Variants in NHSL1 observed in about 807,000 individuals in gnomAD.
NHSL1 encodes NHS-like protein 1.
Under a neutral mutation model 95.0 loss-of-function variants are expected in NHSL1, and 48 were observed. The observed-to-expected ratio is 0.51, with a 90% CI of 0.40 to 0.64. NHSL1 has a LOEUF of 0.64. NHSL1 is among the 30% of genes least tolerant of loss of function. NHSL1 has a pLI of 0.00. For missense variants in NHSL1, 1,971 were observed against 2,077.7 expected, an observed-to-expected ratio of 0.95 and a Z score of 1.00; for synonymous variants, 783 against 833.9, an observed-to-expected ratio of 0.94 and a Z score of 1.05.
intron 1 of NHSL1, among the ~76,000 whole-genome samples, chr6:138,610,636 G>A (rs1042266330): frequency 2.6e-5 from 4 of 151,564 alleles, no homozygotes; most frequent in Non-Finnish European, 5.9e-5. Context: ...ATTTTCCTTT[G>A]TGTTAGTTTC....
intron 1 of NHSL1, among the ~76,000 whole-genome samples, chr6:138,555,888 C>T (rs1261970468): frequency 1.3e-5 from 2 of 152,086 alleles, no homozygotes; most frequent in Non-Finnish European, 2.9e-5. Flanking sequence ...AAGGACATAG[C>T]CTCACTGGGC....
rs931986352 is a variant in NHSL1 at position 138,692,430 on chromosome 6, G to A, written c.96+46C>T. The A allele has an allele frequency of 1.3e-5, 3 of 222,780 alleles. No individual in the cohort carries two copies. The highest frequency in any genetic ancestry group is 1.1e-4 in the South Asian group (2 of 17,896). 13.8% of individuals were successfully genotyped at this position (222,780 alleles called of 1,614,324 possible). On this transcript the variant is annotated intron_variant, in intron 1 of 3. Coordinates refer to the NHSL1 transcript ENST00000491526. The surrounding 1 kb of genome is among the most constrained non-coding windows in gnomAD (Gnocchi z 4.0). ...GGGGCGGGCGGGAGCAGCTCTCCGG[G>A]TGCCTCCCCCGCCGGTTCCCCTCCC...
chr6:138,587,708 T>C (rs1393577542), intron 1 of NHSL1, among the ~76,000 whole-genome samples: 1 of 152,202 alleles, frequency 6.6e-6, no homozygotes, highest in Non-Finnish European at 1.5e-5. Flanking sequence ...TCTAATATTT[T>C]AAAATGTTTA....
chr6:138,658,042 C>T (rs1785180137), intron 1 of NHSL1, among the ~76,000 whole-genome samples: 1 of 152,040 alleles, frequency 6.6e-6, no homozygotes, highest in African/African-American at 2.4e-5. Flanking sequence ...TTGCTATCTA[C>T]AGCCATCTCC....
chr6:138,684,442 T>C (rs1212814334), intron 1 of NHSL1, among the ~76,000 whole-genome samples: 1 of 151,876 alleles, frequency 6.6e-6, no homozygotes, highest in Non-Finnish European at 1.5e-5. Context: ...GGTCAGGAGT[T>C]CAAGACCAGC....
At position 138,628,034 on chromosome 6, in the gene NHSL1, CG is replaced by C. The variant is rs1784766042; in HGVS notation, c.96+64441del. On this transcript the variant is annotated intron_variant, in intron 1 of 3. Transcript: ENST00000491526. Reference sequence around the variant, plus strand: ...CATATACGTAAAACGTATATCCAGCCGGGCGAGGTGGCTCATGCCTATAATC... The same window carrying C: ...CATATACGTAAAACGTATATCCAGCCGGCGAGGTGGCTCATGCCTATAATC... 2.6e-5 allele frequency among the ~76,000 whole-genome samples: 4 copies of C among 152,064 alleles called. No individual in the cohort carries two copies. The South Asian group carries it at 8.3e-4, about 32-fold the overall frequency.
At chr6:138,591,242 G>A (rs1179628438) in intron 1 of NHSL1, among the ~76,000 whole-genome samples, 1 of 152,152 alleles carries the variant, frequency 6.6e-6, no homozygotes, top group Non-Finnish European at 1.5e-5. Context: ...TGTGGCTTAA[G>A]TTGCAGAAAA....
chr6:138,670,438 G>A (rs1438396982), intron 1 of NHSL1, among the ~76,000 whole-genome samples: 21 of 151,088 alleles, frequency 1.4e-4, no homozygotes, highest in Non-Finnish European at 2.5e-4. Flanking sequence ...AGGCCGAGGC[G>A]GGCGGATCAC....
chr6:138,490,674 C>T (rs1205246402), intron 2 of NHSL1, among the ~76,000 whole-genome samples: 1 of 152,090 alleles, frequency 6.6e-6, no homozygotes, highest in Non-Finnish European at 1.5e-5. Flanking sequence ...CACTCTGTCA[C>T]CAGGCTGGAG....
At chr6:138,589,445 G>A (rs1327544205) in intron 1 of NHSL1, among the ~76,000 whole-genome samples, 1 of 152,114 alleles carries the variant, frequency 6.6e-6, no homozygotes, top group Admixed American at 6.5e-5. Flanking sequence ...TGTGCACTAC[G>A]GCACTGCCAT....
At chr6:138,668,313 C>T (rs895651014) in intron 1 of NHSL1, among the ~76,000 whole-genome samples, 1 of 152,116 alleles carries the variant, frequency 6.6e-6, no homozygotes, top group Admixed American at 6.5e-5. Context: ...CATGGTGGCT[C>T]ATGCCTGTAG....
exon 1 of NHSL1, chr6:138,545,659 G>A (rs1414305350): frequency 7.8e-7 from 1 of 1,289,262 alleles, no homozygotes; most frequent in Admixed American, 2.3e-5. Context: ...TTCCATGGAG[G>A]GGCTGTGCTC....
At chr6:138,495,936 T>C (rs4243451) in intron 2 of NHSL1, among the ~76,000 whole-genome samples, 149,827 of 152,238 alleles carry the variant, frequency 0.98, 73,749 homozygotes, top group Middle Eastern at 1. Context: ...TTCACTATCA[T>C]GAGAACAGTA....
At chr6:138,572,672 C>T (rs958484450), upstream of NHSL1, 2 of 152,230 alleles carry the variant, frequency 1.3e-5, no homozygotes, top group African/African-American at 4.8e-5. Context: ...GACAGAAAAC[C>T]CCGCCTCTCC....
At chr6:138,578,105 C>A (rs1783998485) in intron 1 of NHSL1, among the ~76,000 whole-genome samples, 3 of 152,198 alleles carry the variant, frequency 2.0e-5, no homozygotes, top group Admixed American at 2.0e-4. Context: ...CTCATTAAAC[C>A]CTGGCTTTAA....
At chr6:138,663,943 A>C (rs992678386) in intron 1 of NHSL1, among the ~76,000 whole-genome samples, 4 of 152,264 alleles carry the variant, frequency 2.6e-5, no homozygotes, top group Non-Finnish European at 4.4e-5. Context: ...TGAGGTTACA[A>C]GCATTTATTT....
At position 138,432,164 on chromosome 6, in the gene NHSL1, G is replaced by T. The variant is rs917511307; in HGVS notation, c.2181C>A (p.Asp727Glu). ...GSSPSQSPCS[D>E]LEEPWLPRSR... Reference sequence around the variant, plus strand: ...AGCGGGGCAGCCAGGGCTCTTCCAAGTCACTGCAGGGGCTCTGGGAGGGCG... The same window carrying T: ...AGCGGGGCAGCCAGGGCTCTTCCAATTCACTGCAGGGGCTCTGGGAGGGCG... Residue 727 changes from aspartate to glutamate, a missense_variant, in exon 6 of 8, where the codon GAC becomes GAA. By Grantham distance (45) the Asp-to-Glu change is conservative (BLOSUM62 2). Transcript: ENST00000343505. The surrounding 1 kb of genome is among the most constrained non-coding windows in gnomAD (Gnocchi z 4.4). The T allele has an allele frequency of 1.4e-5, 22 of 1,547,876 alleles. No individual in the cohort carries two copies. The East Asian group carries it at 5.4e-4, about 38-fold the overall frequency.
At chr6:138,675,425 G>A (rs1248727728) in intron 1 of NHSL1, among the ~76,000 whole-genome samples, 1 of 152,116 alleles carries the variant, frequency 6.6e-6, no homozygotes, top group Non-Finnish European at 1.5e-5. Flanking sequence ...ACGAGGTCAG[G>A]GTCACACAGC....
chr6:138,492,646 A>G (rs1780143017), intron 2 of NHSL1, among the ~76,000 whole-genome samples: 1 of 152,220 alleles, frequency 6.6e-6, no homozygotes, highest in African/African-American at 2.4e-5. Context: ...TAAAATGTAT[A>G]TGTTTACATT....
Sources: allele counts gnomAD v4.1 joint callset (sites outside exome capture counted in the v4.1 genomes callset), GRCh38; gene constraint gnomAD v4.1.1; non-coding constraint Gnocchi (gnomAD v3.1); transcripts MANE v1.5; gene names NCBI Gene and HGNC (gene_info 2026-07-23, HGNC 2026-07-21).